Variants in IPO11 observed in about 807,000 individuals in gnomAD.
IPO11 encodes importin 11.
IPO11 carries 66 observed loss-of-function variants against 143.2 expected under a neutral mutation model. The observed-to-expected ratio is 0.46, with a 90% CI of 0.38 to 0.57. The LOEUF is 0.57. IPO11 is among the 20% of genes least tolerant of loss of function. The probability of loss-of-function intolerance (pLI) is 0.00; values close to 1 mark genes in which losing one functional copy is unlikely to be tolerated. For synonymous variants in IPO11, 385 were observed against 377.8 expected (o/e 1.02, Z -0.22); for missense variants, 1,026 against 1,141.0 (o/e 0.90, Z 1.45).
At chr5:62,618,686 A>G (rs1746231730) in intron 29 of IPO11, among the ~76,000 whole-genome samples, 1 of 152,200 alleles carries the variant, frequency 6.6e-6, no homozygotes, top group African/African-American at 2.4e-5. Context: ...GTTTTCCCAT[A>G]TTAATTTTAC....
Position 62,530,701 on chromosome 5 carries a change from C to T in IPO11, c.2013-8C>T. ...AAAGTGGTTTAATCATCTGTTTTTC[C>T]TTCCTAGGTTAGTAACTTTGGAAAA... On this transcript the variant is annotated splice_region_variant and splice_polypyrimidine_tract_variant and intron_variant, in intron 21 of 29. Coordinates refer to ENST00000325324, the MANE Select transcript of IPO11 (RefSeq NM_016338.5). 1 of 1,602,940 alleles carries T rather than the reference C, an allele frequency of 6.2e-7. No homozygotes were observed. Among genetic ancestry groups the T allele is most frequent in the East Asian group, 2.2e-5 (1 of 44,730 alleles).
chr5:62,478,322 C>T (rs893139363), intron 9 of IPO11, among the ~76,000 whole-genome samples: 4 of 152,020 alleles, frequency 2.6e-5, no homozygotes, highest in African/African-American at 7.2e-5. Context: ...CATGCCACCA[C>T]GCCCAGCTAA....
At chr5:62,592,101 C>T (rs557747024) in intron 28 of IPO11, among the ~76,000 whole-genome samples, 2 of 152,298 alleles carry the variant, frequency 1.3e-5, no homozygotes, top group East Asian at 3.9e-4. Context: ...CTGCCTGCCT[C>T]TGCCTCCCAA....
intron 27 of IPO11, among the ~76,000 whole-genome samples, chr5:62,584,278 A>T (rs1744674794): frequency 1.3e-5 from 2 of 151,946 alleles, no homozygotes; most frequent in South Asian, 4.2e-4. Flanking sequence ...TGGTGATGGG[A>T]CAGAGACTTC....
At chr5:62,517,818 A>C (rs1742077437) in intron 20 of IPO11, among the ~76,000 whole-genome samples, 1 of 152,210 alleles carries the variant, frequency 6.6e-6, no homozygotes, top group African/African-American at 2.4e-5. Context: ...AGGTCAGAGT[A>C]ACTCTTGTGG....
At chr5:62,471,800 A>G (rs545440792) in intron 7 of IPO11, among the ~76,000 whole-genome samples, 47 of 152,342 alleles carry the variant, frequency 3.1e-4, no homozygotes, top group Middle Eastern at 3.4e-3. Context: ...TACTTACACA[A>G]TTGTCTGTTG....
chr5:62,618,217 A>C (rs1746214767), intron 29 of IPO11, among the ~76,000 whole-genome samples: 1 of 152,138 alleles, frequency 6.6e-6, no homozygotes. Flanking sequence ...TGGTTTCATA[A>C]AGTTTTTTAA....
At position 62,438,681 on chromosome 5, in the gene IPO11, G is replaced by A. The variant is rs145749200; in HGVS notation, c.138+1264G>A. 3.6e-3 allele frequency among the ~76,000 whole-genome samples: 541 copies of A among 151,552 alleles called. 4 individuals are homozygous for A. Among genetic ancestry groups the A allele is most frequent in the African/African-American group, 0.013 (528 of 41,290 alleles). On this transcript the variant is annotated intron_variant, in intron 2 of 29. Coordinates refer to ENST00000325324, the MANE Select transcript of IPO11 (RefSeq NM_016338.5). ...GCAGGAGAATCGCTTGAACTCAGGA[G>A]GCGGAGGTTGCAGTGAGCTGAGATC...
At position 62,627,919 on chromosome 5, in the gene IPO11, T is replaced by C. The variant is rs1746641688; in HGVS notation, c.*601T>C. On this transcript the variant is annotated 3_prime_UTR_variant, in exon 30 of 30. Coordinates refer to ENST00000325324, the MANE Select transcript of IPO11 (RefSeq NM_016338.5). ...TTTTATTTTCATTCTAATAATTTGA[T>C]ACAGAAATTAGTAAAGGCATTTTTT... 1 of 152,416 alleles carries C rather than the reference T, an allele frequency of 6.6e-6. No individual in the cohort carries two copies. Among genetic ancestry groups the C allele is most frequent in the African/African-American group, 2.4e-5 (1 of 41,458 alleles). The allele number at this position is 152,416 out of a possible 1,614,324, so 9.4% of individuals were successfully genotyped here. A position where few individuals can be genotyped will look rare whatever the true frequency, so the allele number is the denominator to read the frequency against.
intron 2 of IPO11, among the ~76,000 whole-genome samples, chr5:62,438,078 T>G (rs1489012484): frequency 6.6e-6 from 1 of 152,178 alleles, no homozygotes. Flanking sequence ...TAGCTTCTGG[T>G]CAGGGCAACA....
At chr5:62,506,535 T>C (rs544146067) in intron 19 of IPO11, among the ~76,000 whole-genome samples, 178 bp downstream of exon 19, 4 of 151,856 alleles carry the variant, frequency 2.6e-5, no homozygotes, top group African/African-American at 7.3e-5. Context: ...TTTCTAAAAA[T>C]GAGAAAATTA....
intron 3 of IPO11, among the ~76,000 whole-genome samples, chr5:62,447,335 CTG>C: frequency 6.6e-6 from 1 of 152,256 alleles, no homozygotes; most frequent in East Asian, 1.9e-4. Context: ...GAACTCCTGA[CTG>C]CAAGTGACCC....
intron 1 of IPO11, among the ~76,000 whole-genome samples, chr5:62,426,931 GTTT>G (rs763031944): frequency 1.2e-4 from 11 of 90,244 alleles, no homozygotes; most frequent in Admixed American, 4.5e-4. Flanking sequence ...TTTTCTTTCT[GTTT>G]TTTTTTTTTT....
At chr5:62,487,734 C>A (rs776626352) in intron 12 of IPO11, 37 bp from the exon 13 acceptor site, 3 of 1,513,266 alleles carry the variant, frequency 2.0e-6, no homozygotes, top group African/African-American at 2.8e-5. Context: ...TAGTATGCAA[C>A]TGTTTTGATG....
chr5:62,521,584 C>G (rs1272355775), intron 20 of IPO11, among the ~76,000 whole-genome samples: 1 of 152,152 alleles, frequency 6.6e-6, no homozygotes, highest in East Asian at 1.9e-4. Context: ...ACATTTCAGG[C>G]TGGAAACTCA....
chr5:62,536,586 G>T (rs1742742850), intron 22 of IPO11, 116 bp from the exon 23 acceptor site: 2 of 1,203,702 alleles, frequency 1.7e-6, no homozygotes, highest in Non-Finnish European at 2.3e-6. Flanking sequence ...ATAGTACTCG[G>T]AAGAGGTTTC....
intron 20 of IPO11, among the ~76,000 whole-genome samples, chr5:62,515,905 T>C (rs1741996179): frequency 6.6e-6 from 1 of 152,188 alleles, no homozygotes; most frequent in Non-Finnish European, 1.5e-5. Context: ...GGTGAGTTGC[T>C]TTTGAGGGGA....
chr5:62,435,088 A>G (rs367642442), intron 1 of IPO11, among the ~76,000 whole-genome samples: 1 of 82,724 alleles, frequency 1.2e-5, no homozygotes, highest in African/African-American at 5.4e-5. Context: ...ATATGTGTAT[A>G]TATGTATATA....
At chr5:62,424,253 C>T (rs1234795175) in intron 1 of IPO11, among the ~76,000 whole-genome samples, 14 of 151,972 alleles carry the variant, frequency 9.2e-5, no homozygotes. Context: ...CATTCTCCTG[C>T]CTCAGCCTCC....
Sources: allele counts gnomAD v4.1 joint callset (sites outside exome capture counted in the v4.1 genomes callset), GRCh38; gene constraint gnomAD v4.1.1; transcripts MANE v1.5; gene names NCBI Gene and HGNC (gene_info 2026-07-23, HGNC 2026-07-21).